Variants in ITGA6 observed in about 807,000 individuals in gnomAD.
ITGA6 encodes integrin subunit alpha 6.
ITGA6 carries 63 observed loss-of-function variants against 133.6 expected under a neutral mutation model. The ratio of observed to expected loss-of-function variants is 0.47; its 90% CI spans 0.38 to 0.58. The LOEUF is 0.58. ITGA6 is among the 20% of genes least tolerant of loss of function. The pLI is 0.00. For missense variants in ITGA6, 1,068 were observed against 1,309.4 expected (o/e 0.82, Z 2.85); for synonymous variants, 434 against 482.0 (o/e 0.90, Z 1.30).
intron 1 of ITGA6, 91 bp from the exon 2 acceptor site, chr2:172,465,448 G>T: frequency 1.4e-6 from 2 of 1,469,344 alleles, no homozygotes; most frequent in Non-Finnish European, 9.5e-7. Context: ...CCTAGACAAA[G>T]AATAATCCCA....
intron 1 of ITGA6, 86 bp downstream of exon 1, chr2:172,428,056 C>A: frequency 7.0e-7 from 1 of 1,429,212 alleles, no homozygotes; most frequent in Non-Finnish European, 9.3e-7. Flanking sequence ...CCCGCCGGCC[C>A]CGGGGAGTAG....
At chr2:172,447,259 C>T (rs1361291778) in intron 1 of ITGA6, among the ~76,000 whole-genome samples, 2 of 151,486 alleles carry the variant, frequency 1.3e-5, no homozygotes, top group African/African-American at 4.9e-5. Context: ...CTCACTCTGT[C>T]GTCCAGACTG....
At chr2:172,493,645 C>T (rs1007203147) in intron 23 of ITGA6, among the ~76,000 whole-genome samples, 8 of 152,176 alleles carry the variant, frequency 5.3e-5, no homozygotes, top group African/African-American at 1.7e-4. Context: ...TGTCTGACTT[C>T]AGGGCTTCTG....
At chr2:172,443,687 A>C (rs1334682486) in intron 1 of ITGA6, among the ~76,000 whole-genome samples, 1 of 152,246 alleles carries the variant, frequency 6.6e-6, no homozygotes, top group Non-Finnish European at 1.5e-5. Context: ...ATGTGTTAAA[A>C]TTAGAATGGC....
intron 1 of ITGA6, among the ~76,000 whole-genome samples, chr2:172,452,540 C>G (rs2149018704): frequency 6.6e-6 from 1 of 152,270 alleles, no homozygotes; most frequent in African/African-American, 2.4e-5. Flanking sequence ...TGGACCAGCT[C>G]CAGGTGGTGA....
chr2:172,470,902 T>C, intron 4 of ITGA6, 72 bp from the exon 5 acceptor site: 1 of 1,524,070 alleles, frequency 6.6e-7, no homozygotes, highest in Non-Finnish European at 9.0e-7. Context: ...TGGGGGATGT[T>C]TATTAGGAAC....
In ITGA6 at chr2:172,491,068, G is replaced by A. The variant is rs369543721; in HGVS notation, c.2724G>A (p.Gln908=). Residue 908 remains glutamine, a synonymous_variant, in exon 21 of 26, where the codon CAG becomes CAA. Transcript: ENST00000684293. This position sits in a 1 kb window ranked among gnomAD's most constrained non-coding sequence, Gnocchi z 4.4. ...AGAAACGGGAAATTACTGAAAAACA[G>A]ATAGATGATAACAGAAAATTTTCTT... ...SRKKREITEK[Q]IDDNRKFSLF... 2.5e-6 allele frequency: 4 copies of A among 1,593,898 alleles called. No homozygotes were observed. In the African/African-American group the frequency reaches 5.4e-5, roughly 21 times the overall value.
At chr2:172,480,409 G>A (rs989039318) in intron 11 of ITGA6, among the ~76,000 whole-genome samples, 9 of 152,146 alleles carry the variant, frequency 5.9e-5, no homozygotes, top group Non-Finnish European at 5.9e-5. Context: ...TGGTTGTGAG[G>A]TGGTGGGTGG....
intron 19 of ITGA6, 73 bp from the exon 20 acceptor site, chr2:172,489,412 T>G: frequency 1.7e-6 from 2 of 1,208,352 alleles, no homozygotes; most frequent in Non-Finnish European, 2.5e-6. Flanking sequence ...TTCTTTCTCT[T>G]GGTAAAAGGA....
Position 172,475,632 on chromosome 2 carries a change from A to G in ITGA6, c.1216A>G (p.Lys406Glu). 1 of 1,608,716 alleles carries G rather than the reference A, an allele frequency of 6.2e-7. No individual in the cohort carries two copies. The highest frequency in any genetic ancestry group is 1.1e-5 in the South Asian group (1 of 90,986). The change falls in exon 8 of 26, where the codon AAG (lysine) becomes GAG (glutamate). Residue 406 changes from lysine to glutamate, a missense_variant. Physicochemically the swap from Lys to Glu is moderately conservative, Grantham distance 56. Around this residue, in one of 3 missense-constraint regions of ITGA6, gnomAD observed 317 missense variants for 456.9 expected, o/e 0.69. Coordinates refer to ENST00000684293, the MANE Select transcript of ITGA6 (RefSeq NM_000210.4). ...AVGAPYDDLG[K>E]VFIYHGSANG... Reference sequence around the variant, plus strand: ...TGGAGCTCCGTATGATGACTTGGGAAAGGTTTTTATCTATCATGGATCTGC... The same window carrying G: ...TGGAGCTCCGTATGATGACTTGGGAGAGGTTTTTATCTATCATGGATCTGC...
chr2:172,458,645 G>A (rs143142699), intron 1 of ITGA6, among the ~76,000 whole-genome samples: 65 of 152,270 alleles, frequency 4.3e-4, no homozygotes, highest in African/African-American at 1.4e-3. Flanking sequence ...TGCTCAGGGT[G>A]AGAGCGAGCC....
intron 11 of ITGA6, among the ~76,000 whole-genome samples, chr2:172,483,357 C>G (rs1053657630): frequency 2.6e-5 from 4 of 152,174 alleles, no homozygotes; most frequent in Non-Finnish European, 5.9e-5. Flanking sequence ...TTCTGTCCCT[C>G]TCAGTATGAC....
At chr2:172,461,308 C>G (rs1440387084) in intron 1 of ITGA6, among the ~76,000 whole-genome samples, 1 of 152,146 alleles carries the variant, frequency 6.6e-6, no homozygotes, top group Non-Finnish European at 1.5e-5. Flanking sequence ...TTCTGATATG[C>G]TGAAATCCCA....
chr2:172,496,228 T>C lies in ITGA6; in HGVS notation c.2989-1747T>C, dbSNP rs558792554. 2.3e-4 allele frequency among the ~76,000 whole-genome samples: 35 copies of C among 152,316 alleles called. 3 individuals are homozygous for C. In the South Asian group the frequency reaches 6.2e-3, roughly 27 times the overall value. On this transcript the variant is annotated intron_variant, in intron 23 of 25. Coordinates refer to ENST00000684293, the MANE Select transcript of ITGA6 (RefSeq NM_000210.4). ...GTGCTGAACGCAGTAATCTCTTCCC[T>C]GTCAGGGGAGGGAAGGAGAGGGGAA...
chr2:172,440,119 GC>G (rs1469913268), intron 1 of ITGA6, among the ~76,000 whole-genome samples: 1 of 152,148 alleles, frequency 6.6e-6, no homozygotes, highest in African/African-American at 2.4e-5. Flanking sequence ...GCACCTGTTT[GC>G]CCTCCTGGCC....
intron 5 of ITGA6, among the ~76,000 whole-genome samples, chr2:172,472,090 G>C (rs1685966657): frequency 6.6e-6 from 1 of 152,242 alleles, no homozygotes; most frequent in South Asian, 2.1e-4. Flanking sequence ...GGGAGGCTGA[G>C]GCAGGCGGAT....
At chr2:172,440,573 T>C (rs549841959) in intron 1 of ITGA6, among the ~76,000 whole-genome samples, 2 of 152,358 alleles carry the variant, frequency 1.3e-5, no homozygotes, top group South Asian at 2.1e-4. Flanking sequence ...CTGTATCATT[T>C]AGTACTATAT....
chr2:172,452,474 CT>C (rs1276863555), intron 1 of ITGA6, among the ~76,000 whole-genome samples: 2 of 152,092 alleles, frequency 1.3e-5, no homozygotes, highest in East Asian at 3.9e-4. Context: ...TGGGCACGTG[CT>C]TTTTGGAGAA....
chr2:172,441,353 C>A (rs1684529632), intron 1 of ITGA6, among the ~76,000 whole-genome samples: 3 of 152,006 alleles, frequency 2.0e-5, no homozygotes, highest in Admixed American at 6.6e-5. Context: ...TTGCCTAGAG[C>A]TTTAACAGAG....
Sources: gnomAD v4.1 joint callset for allele counts (sites outside exome capture counted in the v4.1 genomes callset) on GRCh38, gnomAD v4.1.1 for gene constraint, gnomAD v4.1.1 regional missense constraint, Gnocchi (gnomAD v3.1) non-coding constraint, MANE v1.5 for transcripts, NCBI Gene and HGNC (gene_info 2026-07-23, HGNC 2026-07-21) for gene names.